MUC12: variants seen among roughly 807,000 people sequenced by gnomAD.
MUC12 encodes the protein mucin 12, cell surface associated.
MUC12 carries 172 observed loss-of-function variants against 230.8 expected under a neutral mutation model. The ratio of observed to expected loss-of-function variants is 0.75; its 90% CI spans 0.66 to 0.85. The LOEUF is 0.85. Among genes scored for constraint, MUC12 ranks in the 40% least tolerant of loss-of-function variants. MUC12 has a pLI of 0.00. For synonymous variants in MUC12, 1,259 were observed against 2,401.9 expected (o/e 0.52, Z 13.91); for missense variants, 3,506 against 5,920.6 (o/e 0.59, Z 13.38).
Position 101,009,116 on chromosome 7 carries a change from G to A in MUC12, c.15208G>A (p.Asp5070Asn), listed in dbSNP as rs1055007617. 6.5e-6 allele frequency: 10 copies of A among 1,537,884 alleles called. No homozygotes were observed. Among genetic ancestry groups the A allele is most frequent in the African/African-American group, 1.4e-5 (1 of 73,158 alleles). The part of the protein sequence containing the change: ...KNRMDVVLKG[D>N]NLPQYRGVNI... ...TCAGATGGATGTCGTTTTGAAGGGCGACAATCTTCCTCAGTATAGAGGGGT... is the reference window on the plus strand; with the variant it reads ...TCAGATGGATGTCGTTTTGAAGGGCAACAATCTTCCTCAGTATAGAGGGGT... Residue 5070 changes from aspartate to asparagine, a missense_variant, in exon 5 of 12, where the codon GAC (aspartate) becomes AAC (asparagine). Coordinates refer to ENST00000536621, the MANE Select transcript of MUC12 (RefSeq NM_001164462.2).
At chr7:100,975,127 C>G (rs1216815952) in intron 1 of MUC12, among the ~76,000 whole-genome samples, 1 of 152,310 alleles carries the variant, frequency 6.6e-6, no homozygotes, top group East Asian at 1.9e-4. Flanking sequence ...AGAATTCTAC[C>G]TTTTCCAACT....
In MUC12 at chr7:100,993,080, T is replaced by G. The variant is rs571680234; in HGVS notation, c.2517T>G (p.Pro839=). 6.5e-7 allele frequency: 1 copy of G among 1,533,762 alleles called. No homozygotes were observed. The highest frequency in any genetic ancestry group is 1.2e-5 in the South Asian group (1 of 83,964). The change falls in exon 2 of 12, where the codon CCT becomes CCG. Residue 839 remains proline, a synonymous_variant. Transcript: ENST00000536621. ...GATCACCAGCCACAACACTCTCACC[T>G]GCCAGCACGACAAGCTCAGGCGTCA... The part of the protein sequence containing the change: ...SPRSPATTLS[P]ASTTSSGVSE...
chr7:101,008,854 T>C, intron 4 of MUC12, 93 bp downstream of exon 4: 7 of 1,435,464 alleles, frequency 4.9e-6, no homozygotes, highest in Non-Finnish European at 5.5e-6. Context: ...TGAGTTCTTC[T>C]GCTCATGAGC....
chr7:101,005,853 A>G (rs1048640242), intron 2 of MUC12, among the ~76,000 whole-genome samples: 31 of 151,080 alleles, frequency 2.1e-4, no homozygotes, highest in African/African-American at 7.3e-4. Context: ...GCTGGGGTGC[A>G]ATGACATGAT....
intron 1 of MUC12, among the ~76,000 whole-genome samples, chr7:100,989,303 T>C (rs1793242921): frequency 6.6e-6 from 1 of 151,950 alleles, no homozygotes; most frequent in African/African-American, 2.4e-5. Context: ...GAGATGAGTT[T>C]CACAATGATG....
chr7:100,978,054 G>C (rs899075721), intron 1 of MUC12, among the ~76,000 whole-genome samples: 2 of 152,090 alleles, frequency 1.3e-5, no homozygotes, highest in African/African-American at 4.8e-5. Context: ...ATGACATCTG[G>C]AAAGCCCCTG....
chr7:100,987,049 C>T (rs1430084331), intron 1 of MUC12, among the ~76,000 whole-genome samples: 1 of 146,984 alleles, frequency 6.8e-6, no homozygotes, highest in African/African-American at 2.5e-5. Context: ...CAGTCCAGGG[C>T]CAAGATAATG....
At chr7:101,006,712 A>G (rs1248741746) in intron 3 of MUC12, 140 bp downstream of exon 3, 1 of 627,476 alleles carries the variant, frequency 1.6e-6, no homozygotes, top group Non-Finnish European at 2.8e-6. Flanking sequence ...CTGTAGGGAG[A>G]ACATGAACCT....
At chr7:100,980,020 C>A (rs1037055119) in intron 1 of MUC12, among the ~76,000 whole-genome samples, 1 of 151,328 alleles carries the variant, frequency 6.6e-6, no homozygotes, top group Non-Finnish European at 1.5e-5. Context: ...TGAGAACTCG[C>A]CTCTCTCTCT....
At chr7:100,989,837 T>C (rs915512260) in intron 1 of MUC12, among the ~76,000 whole-genome samples, 4 of 152,042 alleles carry the variant, frequency 2.6e-5, no homozygotes, top group Non-Finnish European at 4.4e-5. Context: ...ATTACAGGTG[T>C]ACACCACCAC....
At chr7:100,981,598 A>C in intron 1 of MUC12, 1 of 434,654 alleles carries the variant, frequency 2.3e-6, no homozygotes, top group Non-Finnish European at 4.1e-6. Context: ...TTAGAGCTCA[A>C]GCTTGGTGTG....
intron 1 of MUC12, among the ~76,000 whole-genome samples, chr7:100,973,846 C>G (rs902924040): frequency 6.6e-6 from 1 of 151,748 alleles, no homozygotes; most frequent in Non-Finnish European, 1.5e-5. Context: ...TAGTGACACC[C>G]CATCTCTAAA....
chr7:100,989,131 C>T (rs537274380), intron 1 of MUC12, among the ~76,000 whole-genome samples: 556 of 139,708 alleles, frequency 4.0e-3, no homozygotes, highest in Non-Finnish European at 5.1e-3. Context: ...GACAGAGTCT[C>T]ACTCTGTCAC....
In MUC12 at chr7:100,991,224, T is replaced by C. The variant is rs763093474; in HGVS notation, c.661T>C (p.Ser221Pro). ...CACACCATCATCCCTTGGTCCAGAA[T>C]CTACTACCTTCCACAGCAGCCCAGG... is the stretch of plus-strand genomic sequence containing the variant. ...TTTPSSLGPE[S>P]TTFHSSPGYT... Residue 221 changes from serine (S) to proline (P), a missense_variant, in exon 2 of 12, where the codon TCT (serine) becomes CCT (proline). Physicochemically the swap from Ser to Pro is moderately conservative, Grantham distance 74. Coordinates refer to ENST00000536621, the MANE Select transcript of MUC12 (RefSeq NM_001164462.2). The C allele has an allele frequency of 6.5e-7, 1 of 1,537,256 alleles. No homozygotes were observed. Among genetic ancestry groups the C allele is most frequent in the Non-Finnish European group, 8.7e-7 (1 of 1,146,924 alleles).
chr7:101,012,125 C>T (rs1263682671), intron 5 of MUC12, among the ~76,000 whole-genome samples, 171 bp from the exon 6 acceptor site: 1 of 152,098 alleles, frequency 6.6e-6, no homozygotes, highest in African/African-American at 2.4e-5. Context: ...TGAATCGTTT[C>T]GCTCTCCTCC....
At chr7:100,971,250 T>A (rs1391468080) in intron 1 of MUC12, among the ~76,000 whole-genome samples, 1 of 152,264 alleles carries the variant, frequency 6.6e-6, no homozygotes, top group Admixed American at 6.5e-5. Context: ...TTGCTCAGCC[T>A]GGTCGTGGCT....
At chr7:101,009,188 A>G (rs1030321390) in intron 5 of MUC12, 29 bp downstream of exon 5, 1 of 1,528,050 alleles carries the variant, frequency 6.5e-7, no homozygotes, top group South Asian at 1.2e-5. Context: ...AGGTTTATAG[A>G]TGTGGGGAAA....
In MUC12 at chr7:100,992,345, C is replaced by G; in HGVS notation, c.1782C>G (p.Asp594Glu). The G allele has an allele frequency of 6.5e-7, 1 of 1,536,634 alleles. No homozygotes were observed. ...PGSTETTLLP[D>E]NTTASGLLEA... is the part of the protein sequence containing the mutation. ...CCACTGAAACAACACTCTTACCTGA[C>G]AACACCACAGCCTCAGGACTCCTTG... Residue 594 changes from aspartate to glutamate, a missense_variant, in exon 2 of 12, where the codon GAC becomes GAG. By Grantham distance (45) the Asp-to-Glu change is conservative. Transcript: ENST00000536621.
At chr7:100,985,218 G>A (rs1793170623) in intron 1 of MUC12, among the ~76,000 whole-genome samples, 1 of 152,148 alleles carries the variant, frequency 6.6e-6, no homozygotes, top group African/African-American at 2.4e-5. Context: ...TGAGTCAGGA[G>A]TGCTGATTGC....
Sources: allele counts gnomAD v4.1 joint callset (sites outside exome capture counted in the v4.1 genomes callset), GRCh38; gene constraint gnomAD v4.1.1; transcripts MANE v1.5; gene names NCBI Gene and HGNC (gene_info 2026-07-23, HGNC 2026-07-21).